ARHGEF7: variants seen among roughly 807,000 people sequenced by gnomAD.
The protein encoded by ARHGEF7 is Rho guanine nucleotide exchange factor 7, also known as PAK-interacting exchange factor beta.
ARHGEF7 carries 33 observed loss-of-function variants against 109.8 expected under a neutral mutation model. The ratio of observed to expected loss-of-function variants is 0.30; its 90% CI spans 0.23 to 0.40. ARHGEF7 has a LOEUF of 0.40. Among genes scored for constraint, ARHGEF7 ranks in the 10% least tolerant of loss-of-function variants. The pLI, the probability that ARHGEF7 is intolerant of heterozygous loss-of-function variation, is 1.00. For missense variants in ARHGEF7, 938 were observed against 1,098.5 expected (o/e 0.85, Z 2.07); for synonymous variants, 458 against 424.6 (o/e 1.08, Z -0.97).
chr13:111,300,428 A>C (rs75968833), intron 19 of ARHGEF7, among the ~76,000 whole-genome samples: 1 of 152,186 alleles, frequency 6.6e-6, no homozygotes, highest in South Asian at 2.1e-4. Context: ...AATGGGATGA[A>C]TATCCAGAGC....
Position 111,178,370 on chromosome 13 carries a change from T to C in ARHGEF7, c.252+24379T>C, listed in dbSNP as rs528287957. Among the ~76,000 whole-genome samples the C allele has an allele frequency of 4.6e-5, 7 of 152,350 alleles. No homozygotes were observed. In the East Asian group the frequency reaches 1.3e-3, roughly 29 times the overall value. Reference sequence around the variant, plus strand: ...TGTGTTTTTAAAAATAGCATTCTTATCCAAAATATGTGTTTTTGGCCAGAT... The same window carrying C: ...TGTGTTTTTAAAAATAGCATTCTTACCCAAAATATGTGTTTTTGGCCAGAT... On this transcript the variant is annotated intron_variant, in intron 2 of 21. Transcript: ENST00000646102.
chr13:111,237,043 A>G (rs937527090), intron 6 of ARHGEF7, among the ~76,000 whole-genome samples: 4 of 152,200 alleles, frequency 2.6e-5, no homozygotes, highest in African/African-American at 9.6e-5. Context: ...AATGCATTCA[A>G]AGAGAGGGCT....
At chr13:111,136,749 C>G (rs1353429164) in intron 1 of ARHGEF7, among the ~76,000 whole-genome samples, 1 of 152,108 alleles carries the variant, frequency 6.6e-6, no homozygotes, top group Non-Finnish European at 1.5e-5. Context: ...AAGATCAGAG[C>G]AGAGCTGAAG....
intron 5 of ARHGEF7, among the ~76,000 whole-genome samples, chr13:111,229,660 A>G (rs2085749774): frequency 1.3e-5 from 2 of 152,032 alleles, no homozygotes; most frequent in African/African-American, 4.8e-5. Flanking sequence ...GATACTGTTT[A>G]ATGGTGGGCT....
chr13:111,216,150 A>G (rs1332569721), intron 4 of ARHGEF7, among the ~76,000 whole-genome samples: 3 of 151,994 alleles, frequency 2.0e-5, no homozygotes, highest in East Asian at 3.9e-4. Context: ...CAAATTTGGG[A>G]TATTCTGAGC....
At chr13:111,177,145 C>G (rs1235470629) in intron 2 of ARHGEF7, among the ~76,000 whole-genome samples, 1 of 152,234 alleles carries the variant, frequency 6.6e-6, no homozygotes, top group African/African-American at 2.4e-5. Flanking sequence ...TAAACCTGTA[C>G]CAGTGCTGAG....
rs942489139 is a variant in ARHGEF7 at position 111,164,939 on chromosome 13, A to G, written c.252+10948A>G. Among the ~76,000 whole-genome samples, 5 of 152,310 alleles carry G rather than the reference A, an allele frequency of 3.3e-5. No individual in the cohort carries two copies. In the South Asian group the frequency reaches 1.0e-3, roughly 32 times the overall value. ...AGCCACCATTTTACCTGTCAGTGAT[A>G]AGGACCCGTGATAATATTGGCTATG... On this transcript the variant is annotated intron_variant, in intron 2 of 21. Coordinates refer to ENST00000646102, the MANE Select transcript of ARHGEF7 (RefSeq NM_001354046.2).
chr13:111,253,745 C>T (rs1435581907), intron 8 of ARHGEF7, among the ~76,000 whole-genome samples: 1 of 152,186 alleles, frequency 6.6e-6, no homozygotes, highest in African/African-American at 2.4e-5. Flanking sequence ...TTTCACCATT[C>T]CTGCTTGAGT....
In ARHGEF7 at chr13:111,258,757, A is replaced by C. The variant is rs1424285095; in HGVS notation, c.951-8791A>C. Among the ~76,000 whole-genome samples the C allele has an allele frequency of 6.6e-6, 1 of 152,166 alleles. No individual in the cohort carries two copies. Among genetic ancestry groups the C allele is most frequent in the Non-Finnish European group, 1.5e-5 (1 of 68,028 alleles). ...TATCTGCCCAGCCACAGTGAGGTGG[A>C]ACATCAAGTGGGCTCTTGGGAGTCC... On this transcript the variant is annotated intron_variant, in intron 8 of 21. Coordinates refer to ENST00000646102, the MANE Select transcript of ARHGEF7 (RefSeq NM_001354046.2). This position sits in a 1 kb window ranked among gnomAD's most constrained non-coding sequence, Gnocchi z 4.4.
intron 1 of ARHGEF7, among the ~76,000 whole-genome samples, chr13:111,147,846 C>T (rs188075998): frequency 0.029 from 4,351 of 151,734 alleles, 112 homozygotes; most frequent in Admixed American, 0.075. Flanking sequence ...TACAGGCGCC[C>T]GCCACTACAC....
At chr13:111,263,046 A>G (rs1306161954) in intron 8 of ARHGEF7, among the ~76,000 whole-genome samples, 1 of 152,196 alleles carries the variant, frequency 6.6e-6, no homozygotes, top group Non-Finnish European at 1.5e-5. Context: ...CGAGGGGAAC[A>G]TCCCCTCCTT....
intron 19 of ARHGEF7, chr13:111,293,825 G>A (rs1201603399): frequency 2.0e-6 from 2 of 985,254 alleles, no homozygotes; most frequent in East Asian, 2.3e-4. Flanking sequence ...GATCTTGTTT[G>A]TGCAGAGTGA....
At chr13:111,184,637 G>A (rs2079073176) in intron 2 of ARHGEF7, among the ~76,000 whole-genome samples, 1 of 152,224 alleles carries the variant, frequency 6.6e-6, no homozygotes, top group Admixed American at 6.5e-5. Context: ...GCTGGAGGGA[G>A]GGGGAGATGT....
chr13:111,172,793 T>G (rs530405567), intron 2 of ARHGEF7, among the ~76,000 whole-genome samples: 1 of 152,356 alleles, frequency 6.6e-6, no homozygotes, highest in South Asian at 2.1e-4. Context: ...TCACAATTAT[T>G]CTGCCGTTGT....
At chr13:111,166,832 C>T (rs1016826563) in intron 2 of ARHGEF7, among the ~76,000 whole-genome samples, 2 of 152,106 alleles carry the variant, frequency 1.3e-5, no homozygotes, top group African/African-American at 2.4e-5. Context: ...CTTCAGACTT[C>T]GGCACAAGCA....
chr13:111,267,515 A>G (rs1210486045), intron 8 of ARHGEF7, 33 bp from the exon 9 acceptor site: 5 of 1,612,230 alleles, frequency 3.1e-6, no homozygotes, highest in Middle Eastern at 1.6e-4. Context: ...TGTAAAACTG[A>G]TGACTATTTC....
intron 1 of ARHGEF7, among the ~76,000 whole-genome samples, chr13:111,148,425 G>A (rs1268806243): frequency 6.6e-6 from 1 of 152,212 alleles, no homozygotes; most frequent in Non-Finnish European, 1.5e-5. Flanking sequence ...CTTTGACCTA[G>A]CTTGCTACAG....
intron 18 of ARHGEF7, among the ~76,000 whole-genome samples, chr13:111,291,253 T>C (rs1160837165): frequency 6.6e-6 from 1 of 152,270 alleles, no homozygotes; most frequent in East Asian, 1.9e-4. Context: ...TGCCTGGCCA[T>C]GGGCAGTGCT....
At chr13:111,294,602 C>T in intron 19 of ARHGEF7, 2 of 985,404 alleles carry the variant, frequency 2.0e-6, no homozygotes, top group Non-Finnish European at 2.4e-6. Context: ...ATGTCTAACA[C>T]CATTAGCTTT....
Sources: gnomAD v4.1 joint callset for allele counts (sites outside exome capture counted in the v4.1 genomes callset) on GRCh38, gnomAD v4.1.1 for gene constraint, Gnocchi (gnomAD v3.1) non-coding constraint, MANE v1.5 for transcripts, NCBI Gene and HGNC (gene_info 2026-07-23, HGNC 2026-07-21) for gene names.